The following MCM5 variants were observed in gnomAD, a reference collection of about 807,000 sequenced individuals.
MCM5 encodes minichromosome maintenance complex component 5, also known as DNA replication licensing factor MCM5.
Under a neutral mutation model 79.9 loss-of-function variants are expected in MCM5, and 46 were observed. The observed-to-expected ratio is 0.58, with a 90% CI of 0.45 to 0.74. The LOEUF (loss-of-function observed/expected upper bound fraction) is 0.74, where lower values mean the gene tolerates loss of function less well. Among genes scored for constraint, MCM5 ranks in the 30% least tolerant of loss-of-function variants. The pLI, the probability that MCM5 is intolerant of heterozygous loss-of-function variation, is 0.00. For missense variants in MCM5, 883 were observed against 1,017.0 expected, an observed-to-expected ratio of 0.87 and a Z score of 1.79; for synonymous variants, 404 against 390.5, an observed-to-expected ratio of 1.03 and a Z score of -0.41.
At chr22:35,414,661 A>G (rs1237030424) in intron 9 of MCM5, among the ~76,000 whole-genome samples, 1 of 151,922 alleles carries the variant, frequency 6.6e-6, no homozygotes, top group Non-Finnish European at 1.5e-5. Context: ...AATAGCTAAA[A>G]TGAAGGGCCA....
At chr22:35,433,075 C>T in the MCM5 span, among the ~76,000 whole-genome samples, 1 of 152,120 alleles carries the variant, frequency 6.6e-6, no homozygotes, top group East Asian at 1.9e-4. Flanking sequence ...GCTGGGACTA[C>T]AGGCATGCAC....
At chr22:35,408,905 T>A (rs1294712024) in intron 6 of MCM5, among the ~76,000 whole-genome samples, 1 of 152,204 alleles carries the variant, frequency 6.6e-6, no homozygotes, top group African/African-American at 2.4e-5. Context: ...GATGCACAGC[T>A]AGATAACCAA....
chr22:35,453,499 CAG>C, the MCM5 span, among the ~76,000 whole-genome samples: 3 of 149,242 alleles, frequency 2.0e-5, no homozygotes, highest in African/African-American at 7.5e-5. Flanking sequence ...TACAGAGAGA[CAG>C]AGATGGGGTA....
intron 9 of MCM5, 128 bp from the exon 10 acceptor site, chr22:35,415,701 A>G: frequency 2.8e-6 from 3 of 1,070,088 alleles, no homozygotes; most frequent in South Asian, 1.4e-5. Context: ...CTTGAGTCCT[A>G]TTCTGTACCC....
intron 14 of MCM5, among the ~76,000 whole-genome samples, chr22:35,420,308 T>C (rs1932663219): frequency 1.3e-5 from 2 of 151,978 alleles, no homozygotes; most frequent in African/African-American, 4.8e-5. Flanking sequence ...GAGTCAAGAG[T>C]CTTGGGTCCC....
chr22:35,440,779 T>G, the MCM5 span, among the ~76,000 whole-genome samples: 4 of 152,072 alleles, frequency 2.6e-5, no homozygotes, highest in Non-Finnish European at 5.9e-5. Context: ...AGATCCTGCC[T>G]GGGTGTGGTG....
At chr22:35,423,491 C>G (rs1242521842) in intron 16 of MCM5, 150 bp downstream of exon 16, 28 of 794,788 alleles carry the variant, frequency 3.5e-5, no homozygotes, top group Non-Finnish European at 4.0e-5. Context: ...CCTTTTCTAG[C>G]CATCATTCCT....
At chr22:35,421,812 T>TA (rs1932702356) in intron 15 of MCM5, 1 of 354,324 alleles carries the variant, frequency 2.8e-6, no homozygotes, top group Non-Finnish European at 5.5e-6. Flanking sequence ...CATTTTGCCT[T>TA]ACAGCTGCCC....
At chr22:35,454,429 C>CG in the MCM5 span, among the ~76,000 whole-genome samples, 1 of 152,086 alleles carries the variant, frequency 6.6e-6, no homozygotes, top group African/African-American at 2.4e-5. Context: ...CTGCAGCAGG[C>CG]GGGGGCAGTA....
chr22:35,445,917 A>G, the MCM5 span, among the ~76,000 whole-genome samples: 1 of 152,218 alleles, frequency 6.6e-6, no homozygotes, highest in African/African-American at 2.4e-5. Flanking sequence ...GACCTCCCAG[A>G]TGGTACTTCT....
chr22:35,421,560 C>T (rs2071744), intron 15 of MCM5, 100 bp downstream of exon 15: 371,426 of 1,528,430 alleles, frequency 0.24, 47,923 homozygotes, highest in Middle Eastern at 0.28. Context: ...CAGTGTGTGT[C>T]TTGCTTCTCT....
intron 15 of MCM5, chr22:35,421,878 A>C (rs1932703701): frequency 6.8e-6 from 2 of 292,906 alleles, no homozygotes; most frequent in East Asian, 8.7e-5. Context: ...GACAGCTGAC[A>C]CTCGAAGGGG....
intron 13 of MCM5, among the ~76,000 whole-genome samples, chr22:35,418,417 T>C (rs1601761369): frequency 6.6e-6 from 1 of 152,280 alleles, no homozygotes; most frequent in Non-Finnish European, 1.5e-5. Context: ...CCCAGCACTT[T>C]GGGAGGCGGA....
intron 13 of MCM5, among the ~76,000 whole-genome samples, 179 bp from the exon 14 acceptor site, chr22:35,419,705 G>A (rs988273243): frequency 2.0e-5 from 3 of 152,172 alleles, no homozygotes; most frequent in African/African-American, 7.2e-5. Context: ...TGTGGCAGCT[G>A]CCCACAGCCA....
chr22:35,426,094 G>T (rs781531049), downstream of MCM5, among the ~76,000 whole-genome samples: 3 of 152,148 alleles, frequency 2.0e-5, no homozygotes, highest in Non-Finnish European at 4.4e-5. Context: ...CCTGGGGTAG[G>T]TTCCCAGGGG....
Position 35,416,630 on chromosome 22 carries a change from C to T in MCM5, c.1414-8C>T. On this transcript the variant is annotated splice_region_variant and splice_polypyrimidine_tract_variant and intron_variant, in intron 11 of 16. Transcript: ENST00000216122. ...TCCTCCCCCTTTTCGTCGTCTGTCGCCTGTTAGGCTGGGATCACCACCACC... is the reference window on the plus strand; with the variant it reads ...TCCTCCCCCTTTTCGTCGTCTGTCGTCTGTTAGGCTGGGATCACCACCACC... 6.2e-7 allele frequency: 1 copy of T among 1,610,776 alleles called. No homozygotes were observed. The highest frequency in any genetic ancestry group is 8.5e-7 in the Non-Finnish European group (1 of 1,177,618).
At chr22:35,420,672 A>G (rs1186353938) in intron 14 of MCM5, among the ~76,000 whole-genome samples, 1 of 152,262 alleles carries the variant, frequency 6.6e-6, no homozygotes, top group Non-Finnish European at 1.5e-5. Flanking sequence ...TCCAGGCAGC[A>G]GGACAGGAAG....
downstream of MCM5, among the ~76,000 whole-genome samples, chr22:35,429,383 G>C: frequency 6.6e-6 from 1 of 152,188 alleles, no homozygotes; most frequent in Non-Finnish European, 1.5e-5. Flanking sequence ...CAATGTCTCA[G>C]AGGCAGAAGT....
intron 11 of MCM5, 115 bp downstream of exon 11, chr22:35,416,519 G>GTGTGTGTGT: frequency 6.9e-6 from 1 of 145,654 alleles, no homozygotes; most frequent in East Asian, 7.6e-5. Flanking sequence ...ATCTGTGTGT[G>GTGTGTGTGT]TGTGTGTGTG....
Sources: allele counts gnomAD v4.1 joint callset (sites outside exome capture counted in the v4.1 genomes callset), GRCh38; gene constraint gnomAD v4.1.1; transcripts MANE v1.5; gene names NCBI Gene and HGNC (gene_info 2026-07-23, HGNC 2026-07-21).